The following ITPR1 variants were observed in gnomAD, a reference collection of about 807,000 sequenced individuals.
The protein encoded by ITPR1 is inositol 1,4,5-trisphosphate receptor type 1, also known as inositol 1,4,5-trisphosphate-gated calcium channel ITPR1.
A neutral mutation model predicts 318.4 loss-of-function variants in ITPR1; 96 were observed. The observed-to-expected ratio is 0.30, with a 90% CI of 0.26 to 0.36. The LOEUF (loss-of-function observed/expected upper bound fraction) is 0.36. Ranked by LOEUF, ITPR1 falls within the 10% of genes least tolerant of loss-of-function variation. The pLI is 1.00. For synonymous variants in ITPR1, 1,312 were observed against 1,289.9 expected, an observed-to-expected ratio of 1.02 and a Z score of -0.37; for missense variants, 2,440 against 3,460.2, an observed-to-expected ratio of 0.71 and a Z score of 7.40.
At chr3:4,576,250 G>A (rs1189655217) in intron 4 of ITPR1, among the ~76,000 whole-genome samples, 3 of 152,216 alleles carry the variant, frequency 2.0e-5, no homozygotes, top group African/African-American at 7.2e-5. Context: ...GGCGATTGGA[G>A]TTGTTAGAGT....
intron 33 of ITPR1, among the ~76,000 whole-genome samples, chr3:4,695,016 G>C (rs553955630): frequency 6.6e-6 from 1 of 152,182 alleles, no homozygotes; most frequent in Admixed American, 6.5e-5. Flanking sequence ...ATACTATTCT[G>C]TACCTTAACA....
In ITPR1 at chr3:4,683,687, G is replaced by A. The variant is rs758713922; in HGVS notation, c.3387G>A (p.Leu1129=). 2 of 1,614,028 alleles carry A rather than the reference G, an allele frequency of 1.2e-6. No individual in the cohort carries two copies. The highest frequency in any genetic ancestry group is 2.2e-5 in the East Asian group (1 of 44,874). The change falls in exon 28 of 62, where the codon TTG becomes TTA. Residue 1129 remains leucine, a synonymous_variant. Transcript: ENST00000649015. ...ACTACAAACAGATCAAACAAGACTTGGATCAACTGAGGTCCATCGTGGAAA... is the reference window on the plus strand; with the variant it reads ...ACTACAAACAGATCAAACAAGACTTAGATCAACTGAGGTCCATCGTGGAAA... The part of the protein sequence containing the change: ...VDNYKQIKQD[L]DQLRSIVEKS...
intron 44 of ITPR1, among the ~76,000 whole-genome samples, chr3:4,752,993 A>G (rs6785305): frequency 0.44 from 66,742 of 152,090 alleles, 16,603 homozygotes; most frequent in Non-Finnish European, 0.55. Context: ...GGGGAAGCAA[A>G]CAGGCGCCAC....
chr3:4,765,956 A>T (rs2045790508), intron 44 of ITPR1, among the ~76,000 whole-genome samples: 1 of 152,218 alleles, frequency 6.6e-6, no homozygotes, highest in African/African-American at 2.4e-5. Context: ...TCACTATAGC[A>T]TAGTGTCATC....
chr3:4,625,166 T>C (rs1320799801), intron 4 of ITPR1, among the ~76,000 whole-genome samples: 1 of 152,076 alleles, frequency 6.6e-6, no homozygotes, highest in Non-Finnish European at 1.5e-5. Context: ...AAATATTTAG[T>C]GATGAAGGAG....
intron 17 of ITPR1, among the ~76,000 whole-genome samples, chr3:4,666,944 A>G (rs2093960828): frequency 1.3e-5 from 2 of 152,244 alleles, no homozygotes; most frequent in African/African-American, 2.4e-5. Flanking sequence ...AAAGGAAATG[A>G]AACAGGGTAA....
chr3:4,533,409 C>G (rs2083582033), intron 4 of ITPR1, among the ~76,000 whole-genome samples: 1 of 152,126 alleles, frequency 6.6e-6, no homozygotes, highest in African/African-American at 2.4e-5. Context: ...TTTAACCTGT[C>G]TATGCCTTAG....
intron 4 of ITPR1, among the ~76,000 whole-genome samples, chr3:4,623,755 C>T (rs2092723173): frequency 6.6e-6 from 1 of 152,204 alleles, no homozygotes; most frequent in Non-Finnish European, 1.5e-5. Flanking sequence ...CACTTTGAAT[C>T]AGTTGCTAAG....
chr3:4,834,022 G>C (rs911738314), intron 60 of ITPR1, among the ~76,000 whole-genome samples: 3 of 152,142 alleles, frequency 2.0e-5, no homozygotes, highest in African/African-American at 7.2e-5. Context: ...TTCCCGAGTG[G>C]CTAGGACTAC....
At chr3:4,711,598 G>A in intron 38 of ITPR1, 159 bp from the exon 39 acceptor site, 1 of 588,424 alleles carries the variant, frequency 1.7e-6, no homozygotes, top group East Asian at 2.8e-5. Context: ...TTGCTAACTG[G>A]CTGTTCTCAG....
intron 13 of ITPR1, 146 bp from the exon 14 acceptor site, chr3:4,660,842 C>T (rs2093816509): frequency 4.5e-6 from 2 of 445,316 alleles, no homozygotes; most frequent in Non-Finnish European, 8.0e-6. Flanking sequence ...GGACCTGGAC[C>T]ATTTGCCCCT....
intron 4 of ITPR1, among the ~76,000 whole-genome samples, chr3:4,537,131 A>G (rs753243457): frequency 3.9e-5 from 6 of 152,104 alleles, no homozygotes; most frequent in Non-Finnish European, 8.8e-5. Context: ...GGGTTTTGAT[A>G]TCAAGGTTAT....
intron 46 of ITPR1, among the ~76,000 whole-genome samples, chr3:4,770,591 T>C (rs568287726): frequency 2.4e-4 from 37 of 152,312 alleles, no homozygotes; most frequent in African/African-American, 6.7e-4. Context: ...TTCTTTCTTT[T>C]CTTTGGTGCC....
At position 4,521,064 on chromosome 3, in the gene ITPR1, G is replaced by A. The variant is rs1332765334; in HGVS notation, c.133G>A (p.Asp45Asn). 19 of 1,613,730 alleles carry A rather than the reference G, an allele frequency of 1.2e-5. No individual in the cohort carries two copies. The highest frequency in any genetic ancestry group is 2.2e-5 in the South Asian group (2 of 91,060). The change falls in exon 4 of 62, where the codon GAC becomes AAC. Residue 45 changes from aspartate (D) to asparagine (N), a missense_variant. Physicochemically the swap from Asp to Asn is conservative, Grantham distance 23. Transcript: ENST00000649015. ...TTGTGTTGTACAGCCAGAAACCGGG[G>A]ACCTTAACAATCCACCTAAGAAATT... ...DRCVVQPETG[D>N]LNNPPKKFRD...
chr3:4,498,162 T>A (rs2080744803), intron 2 of ITPR1, among the ~76,000 whole-genome samples: 1 of 152,220 alleles, frequency 6.6e-6, no homozygotes. Context: ...TTAGTGCCAC[T>A]GAGTTATAAC....
At chr3:4,673,743 C>A (rs376812813) in intron 21 of ITPR1, among the ~76,000 whole-genome samples, 43 of 152,066 alleles carry the variant, frequency 2.8e-4, no homozygotes, top group Admixed American at 8.5e-4. Context: ...CCACCACGCC[C>A]GGCTAATTTT....
intron 4 of ITPR1, among the ~76,000 whole-genome samples, chr3:4,577,371 C>T (rs2088798227): frequency 6.6e-6 from 1 of 152,186 alleles, no homozygotes; most frequent in Admixed American, 6.5e-5. Context: ...GTTAAAAATA[C>T]AGATTCTGTA....
chr3:4,510,050 C>G (rs1006939905), intron 2 of ITPR1, among the ~76,000 whole-genome samples: 3 of 152,116 alleles, frequency 2.0e-5, no homozygotes, highest in African/African-American at 7.2e-5. Context: ...ATGTTGGAAA[C>G]GTATAACCCA....
intron 42 of ITPR1, among the ~76,000 whole-genome samples, chr3:4,730,370 AATGTGTGTGTGTGTGT>A (rs1331280198): frequency 9.8e-5 from 9 of 91,580 alleles, no homozygotes; most frequent in Non-Finnish European, 1.8e-4. Context: ...TGTTGGGTGG[AATGTGTGTGTGTGTGT>A]GTGTGTGTGT....
Sources: allele counts gnomAD v4.1 joint callset (sites outside exome capture counted in the v4.1 genomes callset), GRCh38; gene constraint gnomAD v4.1.1; transcripts MANE v1.5; gene names NCBI Gene and HGNC (gene_info 2026-07-23, HGNC 2026-07-21).